The following LRP1B variants were observed in gnomAD, a reference collection of about 807,000 sequenced individuals.
LRP1B encodes LDL receptor related protein 1B.
In LRP1B, 217 loss-of-function variants were observed where a neutral mutation model predicts 556.6. That is an observed-to-expected ratio of 0.39 (90% CI 0.35 to 0.44). LRP1B has a LOEUF of 0.44. Ranked by LOEUF, LRP1B falls within the 20% of genes least tolerant of loss-of-function variation. The probability of loss-of-function intolerance (pLI) is 1.00; values close to 1 mark genes in which losing one functional copy is unlikely to be tolerated. For synonymous variants in LRP1B, 2,047 were observed against 1,865.8 expected (o/e 1.10, Z -2.50); for missense variants, 5,053 against 5,620.8 (o/e 0.90, Z 3.23).
intron 2 of LRP1B, among the ~76,000 whole-genome samples, chr2:141,674,368 T>A (rs1298404461): frequency 6.6e-6 from 1 of 152,056 alleles, no homozygotes; most frequent in African/African-American, 2.4e-5. Flanking sequence ...ATTGCATATG[T>A]GACATTAGTC....
rs147224410 is a variant in LRP1B, at chr2:141,461,764, A to C, written c.343+18632T>G. Among the ~76,000 whole-genome samples, 618 of 152,346 alleles carry C rather than the reference A, an allele frequency of 4.1e-3. 1 individual carries two copies. Among genetic ancestry groups the C allele is most frequent in the Non-Finnish European group, 7.3e-3 (498 of 68,030 alleles). ...CTTCAATATCCCCCTCTGTTGGAAG[A>C]CAACCTTCCTTTTCCATACATGATT... On this transcript the variant is annotated intron_variant, in intron 3 of 90. Transcript: ENST00000389484.
At chr2:140,730,715 T>C (rs981299683) in intron 35 of LRP1B, among the ~76,000 whole-genome samples, 2 of 152,042 alleles carry the variant, frequency 1.3e-5, no homozygotes, top group Admixed American at 6.5e-5. Flanking sequence ...ACCCGCCACA[T>C]GCCCAGCTAA....
intron 41 of LRP1B, among the ~76,000 whole-genome samples, chr2:140,669,067 A>G (rs1053292407): frequency 1.3e-5 from 2 of 152,152 alleles, no homozygotes; most frequent in African/African-American, 4.8e-5. Flanking sequence ...TAGGAATGTT[A>G]TTTCACTGTA....
chr2:140,772,595 C>T (rs1227514657), intron 33 of LRP1B, among the ~76,000 whole-genome samples: 2 of 152,144 alleles, frequency 1.3e-5, no homozygotes, highest in Admixed American at 1.3e-4. Flanking sequence ...CAGGATGAGT[C>T]ACTGCCCCCA....
chr2:140,587,799 A>T (rs2105156293), intron 43 of LRP1B, among the ~76,000 whole-genome samples: 1 of 151,816 alleles, frequency 6.6e-6, no homozygotes, highest in Non-Finnish European at 1.5e-5. Flanking sequence ...AAATAAAAAT[A>T]AACTTCTGAA....
intron 86 of LRP1B, among the ~76,000 whole-genome samples, chr2:140,268,793 CTG>C (rs1367179686): frequency 6.6e-6 from 1 of 151,560 alleles, no homozygotes; most frequent in Non-Finnish European, 1.5e-5. Context: ...ATTTTTCAGA[CTG>C]TAAAAAAGGT....
At chr2:141,547,283 TA>T (rs967670688) in intron 2 of LRP1B, among the ~76,000 whole-genome samples, 1 of 152,290 alleles carries the variant, frequency 6.6e-6, no homozygotes, top group Admixed American at 6.5e-5. Flanking sequence ...ATATCATCCT[TA>T]CATCCTAATT....
intron 32 of LRP1B, among the ~76,000 whole-genome samples, chr2:140,800,997 C>T (rs1323877760): frequency 6.6e-6 from 1 of 152,086 alleles, no homozygotes; most frequent in Non-Finnish European, 1.5e-5. Flanking sequence ...GGCCATTTTA[C>T]ATAAACATTT....
At chr2:141,506,887 TG>T (rs1456286296) in intron 2 of LRP1B, among the ~76,000 whole-genome samples, 5 of 152,278 alleles carry the variant, frequency 3.3e-5, no homozygotes, top group African/African-American at 1.2e-4. Flanking sequence ...TAATTGCCTT[TG>T]GAATATATTA....
At chr2:141,062,409 C>T (rs1699360801) in intron 7 of LRP1B, 136 bp from the exon 8 acceptor site, 1 of 604,138 alleles carries the variant, frequency 1.7e-6, no homozygotes, top group Non-Finnish European at 2.9e-6. Context: ...ATAACCATTT[C>T]CTTATAATAT....
intron 68 of LRP1B, among the ~76,000 whole-genome samples, chr2:140,374,001 TCTC>T (rs771954398): frequency 1.8e-4 from 27 of 152,266 alleles, no homozygotes; most frequent in Non-Finnish European, 2.9e-4. Flanking sequence ...CAGTTCTCCT[TCTC>T]CTCTTTTCTG....
chr2:141,051,029 C>T (rs1367510220), intron 10 of LRP1B, among the ~76,000 whole-genome samples: 2 of 152,042 alleles, frequency 1.3e-5, no homozygotes, highest in African/African-American at 2.4e-5. Context: ...CGAATAAAAG[C>T]TCAACATCAC....
At chr2:140,696,483 T>A (rs1686434243) in intron 41 of LRP1B, among the ~76,000 whole-genome samples, 1 of 152,200 alleles carries the variant, frequency 6.6e-6, no homozygotes, top group Non-Finnish European at 1.5e-5. Flanking sequence ...TTGTAATTAT[T>A]TCTGATTGTC....
chr2:141,785,323 C>T (rs1695393897), intron 2 of LRP1B, among the ~76,000 whole-genome samples: 1 of 151,938 alleles, frequency 6.6e-6, no homozygotes, highest in Admixed American at 6.6e-5. Context: ...GTTGCTCAGT[C>T]TCAGAGTTTA....
chr2:140,736,609 C>CA (rs1408567747), intron 35 of LRP1B, among the ~76,000 whole-genome samples: 11 of 151,984 alleles, frequency 7.2e-5, no homozygotes, highest in Non-Finnish European at 8.8e-5. Flanking sequence ...ACAAACCTGA[C>CA]AAAAATGAGA....
intron 82 of LRP1B, among the ~76,000 whole-genome samples, chr2:140,320,187 C>A (rs917400774): frequency 2.0e-5 from 3 of 151,458 alleles, no homozygotes; most frequent in African/African-American, 4.9e-5. Context: ...CTGAATTCTC[C>A]TAATAGTTTT....
intron 1 of LRP1B, among the ~76,000 whole-genome samples, chr2:142,114,746 C>T (rs374725570): frequency 3.6e-4 from 55 of 151,918 alleles, no homozygotes; most frequent in South Asian, 4.2e-4. Flanking sequence ...TACTGAAGCC[C>T]GGGAAAGGTG....
intron 3 of LRP1B, among the ~76,000 whole-genome samples, chr2:141,352,508 T>G (rs1688482901): frequency 6.6e-6 from 1 of 151,900 alleles, no homozygotes; most frequent in Non-Finnish European, 1.5e-5. Flanking sequence ...AGTAAGCACC[T>G]TTTGGTTCTC....
chr2:141,731,397 G>A (rs1574295302), intron 2 of LRP1B, among the ~76,000 whole-genome samples: 1 of 152,052 alleles, frequency 6.6e-6, no homozygotes, highest in East Asian at 1.9e-4. Context: ...TGTCCTCCGT[G>A]GCTCTCCATG....
Sources: gnomAD v4.1 joint callset for allele counts (sites outside exome capture counted in the v4.1 genomes callset) on GRCh38, gnomAD v4.1.1 for gene constraint, MANE v1.5 for transcripts, NCBI Gene and HGNC (gene_info 2026-07-23, HGNC 2026-07-21) for gene names.